Variants in NSD1 observed in about 807,000 individuals in gnomAD.
The protein encoded by NSD1 is histone-lysine N-methyltransferase, H3 lysine-36 specific.
A neutral mutation model predicts 242.7 loss-of-function variants in NSD1; 26 were observed. The ratio of observed to expected loss-of-function variants is 0.11; its 90% CI spans 0.08 to 0.15. The LOEUF (loss-of-function observed/expected upper bound fraction) is 0.15, where lower values mean the gene tolerates loss of function less well. Among genes scored for constraint, NSD1 ranks in the 10% least tolerant of loss-of-function variants. The pLI, the probability that NSD1 is intolerant of heterozygous loss-of-function variation, is 1.00. For missense variants in NSD1, 2,495 were observed against 3,272.8 expected, an observed-to-expected ratio of 0.76 and a Z score of 5.80; for synonymous variants, 1,106 against 1,178.1, an observed-to-expected ratio of 0.94 and a Z score of 1.25.
At chr5:177,228,525 A>G (rs116835178) in intron 5 of NSD1, among the ~76,000 whole-genome samples, 2,530 of 152,036 alleles carry the variant, frequency 0.017, 25 homozygotes, top group Non-Finnish European at 0.025. Context: ...CCTAGGCTGA[A>G]TGATCTAGAT....
rs189589273 is a variant in NSD1, at chr5:177,233,231, T to A, written c.3797-2590T>A. On this transcript the variant is annotated intron_variant, in intron 5 of 22. Transcript: ENST00000439151. Reference sequence around the variant, plus strand: ...TGTGTGCTACTATGCTTGGCTATTTTTTTTTATTTTTATTTTTAGTAGAGA... The same window carrying A: ...TGTGTGCTACTATGCTTGGCTATTTATTTTTATTTTTATTTTTAGTAGAGA... Among the ~76,000 whole-genome samples, 208 of 152,266 alleles carry A rather than the reference T, an allele frequency of 1.4e-3. 2 individuals are homozygous for A. Among genetic ancestry groups the A allele is most frequent in the African/African-American group, 3.0e-3 (123 of 41,552 alleles).
At chr5:177,221,761 G>A (rs987853170) in intron 5 of NSD1, among the ~76,000 whole-genome samples, 6 of 151,636 alleles carry the variant, frequency 4.0e-5, no homozygotes, top group Non-Finnish European at 8.8e-5. Context: ...TAGCCACTGC[G>A]CCTGCCCTGT....
At chr5:177,225,214 C>A (rs571365893) in intron 5 of NSD1, among the ~76,000 whole-genome samples, 1 of 151,402 alleles carries the variant, frequency 6.6e-6, no homozygotes, top group East Asian at 2.0e-4. Flanking sequence ...GTGATCTCGG[C>A]TCACTGCATC....
At chr5:177,292,265 C>A (rs1039536034) in intron 22 of NSD1, 107 bp downstream of exon 22, 7 of 1,107,972 alleles carry the variant, frequency 6.3e-6, no homozygotes, top group African/African-American at 6.2e-5. Context: ...TCTTTCCATG[C>A]ATAATTTTGA....
intron 8 of NSD1, among the ~76,000 whole-genome samples, chr5:177,242,818 C>T (rs1175413421): frequency 1.3e-5 from 2 of 152,140 alleles, no homozygotes; most frequent in African/African-American, 2.4e-5. Context: ...TGTGAACCAC[C>T]GTGCCCAGCC....
At chr5:177,175,106 C>A (rs930904461) in intron 2 of NSD1, among the ~76,000 whole-genome samples, 1 of 150,156 alleles carries the variant, frequency 6.7e-6, no homozygotes, top group Non-Finnish European at 1.5e-5. Flanking sequence ...CTCCTGACCT[C>A]GTGATCCACT....
intron 2 of NSD1, among the ~76,000 whole-genome samples, chr5:177,184,652 C>T (rs1322055427): frequency 6.6e-6 from 1 of 152,010 alleles, no homozygotes; most frequent in East Asian, 1.9e-4. Context: ...GTTTACCCTC[C>T]CAAGTTGCTG....
At chr5:177,265,162 T>TCA in intron 14 of NSD1, 1 of 763,748 alleles carries the variant, frequency 1.3e-6, no homozygotes, top group Non-Finnish European at 2.4e-6. Flanking sequence ...CTTGCTCCAC[T>TCA]CAGAGAAGCA....
chr5:177,163,256 C>A (rs764446907), intron 2 of NSD1, among the ~76,000 whole-genome samples: 5 of 151,622 alleles, frequency 3.3e-5, no homozygotes, highest in African/African-American at 4.8e-5. Flanking sequence ...GATTCTCCTG[C>A]CTCAGCCTCC....
chr5:177,156,006 G>T (rs1758101965), intron 2 of NSD1, among the ~76,000 whole-genome samples: 1 of 151,492 alleles, frequency 6.6e-6, no homozygotes, highest in Non-Finnish European at 1.5e-5. Context: ...CGTCTGGCCT[G>T]CATGGGGATT....
chr5:177,262,027 T>A (rs1333117767), intron 14 of NSD1, among the ~76,000 whole-genome samples: 1 of 152,214 alleles, frequency 6.6e-6, no homozygotes, highest in Middle Eastern at 3.2e-3. Flanking sequence ...AGGCTTGGTT[T>A]GCTTGTTTAT....
chr5:177,185,467 A>G (rs1761029066), intron 2 of NSD1, among the ~76,000 whole-genome samples: 1 of 150,940 alleles, frequency 6.6e-6, no homozygotes, highest in South Asian at 2.1e-4. Flanking sequence ...GCATGGTGGC[A>G]GGCGCCTGTA....
chr5:177,244,273 G>A lies in NSD1; in HGVS notation c.4378+3G>A, dbSNP rs1405101344. The A allele has an allele frequency of 1.2e-6, 2 of 1,604,440 alleles. No homozygotes were observed. Among genetic ancestry groups the A allele is most frequent in the Non-Finnish European group, 1.7e-6 (2 of 1,171,506 alleles). On this transcript the variant is annotated splice_donor_region_variant and intron_variant, in intron 9 of 22. Transcript: ENST00000439151. ...TTATTCAAAAGATTTTGGTGGAGGT[G>A]AGTATTTTTGAGATTTAAAAAACGT...
At chr5:177,256,274 A>G (rs1581455098) in intron 12 of NSD1, among the ~76,000 whole-genome samples, 1 of 97,902 alleles carries the variant, frequency 1.0e-5, no homozygotes, top group Non-Finnish European at 2.0e-5. Context: ...CTGCCCCCAC[A>G]CTTTTTTTTT....
chr5:177,142,941 A>G (rs1296802419), intron 2 of NSD1, among the ~76,000 whole-genome samples: 3 of 151,678 alleles, frequency 2.0e-5, no homozygotes, highest in Non-Finnish European at 2.9e-5. Flanking sequence ...GCCAAACTGA[A>G]CTCTTAATGG....
chr5:177,206,880 C>A (rs1383508336), intron 4 of NSD1, among the ~76,000 whole-genome samples: 1 of 151,790 alleles, frequency 6.6e-6, no homozygotes, highest in Non-Finnish European at 1.5e-5. Flanking sequence ...ATACACACTA[C>A]CAGATTGTCC....
intron 2 of NSD1, among the ~76,000 whole-genome samples, chr5:177,188,326 T>C (rs1488962358): frequency 2.0e-5 from 3 of 152,182 alleles, no homozygotes; most frequent in Non-Finnish European, 4.4e-5. Flanking sequence ...TGTTTCTAAG[T>C]TTATTTATTA....
At chr5:177,152,319 GTGTATGTATGTATGTATGTATGTA>G (rs57114836) in intron 2 of NSD1, among the ~76,000 whole-genome samples, 1 of 128,128 alleles carries the variant, frequency 7.8e-6, no homozygotes, top group Non-Finnish European at 1.8e-5. Flanking sequence ...TTGTGTGTGT[GTGTATGTATGTATGTATGTATGTA>G]TGTATGTATG....
chr5:177,136,021 A>G lies in NSD1; in HGVS notation c.918A>G (p.Glu306=). The stretch of plus-strand genomic sequence containing the variant: ...CTTCATCATCATCTACTTCACAGGA[A>G]TTGCCATTTGTAAGCAGTTTTTGGT... ...PGTSSSSTSQ[E]LPFCQPKKKS... The change falls in exon 2 of 23, where the codon GAA becomes GAG. Residue 306 remains glutamate, a synonymous_variant. Transcript: ENST00000439151. 2 of 1,614,036 alleles carry G rather than the reference A, an allele frequency of 1.2e-6. No individual in the cohort carries two copies. The highest frequency in any genetic ancestry group is 1.7e-6 in the Non-Finnish European group (2 of 1,179,984).
Sources: allele counts gnomAD v4.1 joint callset (sites outside exome capture counted in the v4.1 genomes callset), GRCh38; gene constraint gnomAD v4.1.1; transcripts MANE v1.5; gene names NCBI Gene and HGNC (gene_info 2026-07-23, HGNC 2026-07-21).